Variants in LMBR1 observed in about 807,000 individuals in gnomAD.
LMBR1 encodes limb region 1 protein homolog.
Under a neutral mutation model 73.9 loss-of-function variants are expected in LMBR1, and 52 were observed. The observed-to-expected ratio is 0.70, with a 90% CI of 0.56 to 0.89. The LOEUF is 0.89. Among genes scored for constraint, LMBR1 ranks in the 40% least tolerant of loss-of-function variants. The pLI, the probability that LMBR1 is intolerant of heterozygous loss-of-function variation, is 0.00. For synonymous variants in LMBR1, 215 were observed against 209.4 expected (o/e 1.03, Z -0.23); for missense variants, 539 against 579.8 (o/e 0.93, Z 0.72).
intron 5 of LMBR1, among the ~76,000 whole-genome samples, chr7:156,775,590 T>C (rs970611633): frequency 3.9e-5 from 6 of 152,184 alleles, no homozygotes; most frequent in Non-Finnish European, 7.3e-5. Flanking sequence ...GACCTATTTT[T>C]AAAAATACAT....
At chr7:156,797,430 T>C (rs1299693124) in intron 4 of LMBR1, among the ~76,000 whole-genome samples, 2 of 152,224 alleles carry the variant, frequency 1.3e-5, no homozygotes, top group Non-Finnish European at 2.9e-5. Flanking sequence ...ATAAATTCAA[T>C]GAACTGTTTG....
intron 1 of LMBR1, among the ~76,000 whole-genome samples, chr7:156,843,850 A>G (rs1054154129): frequency 1.3e-5 from 2 of 150,880 alleles, no homozygotes; most frequent in Non-Finnish European, 3.0e-5. Flanking sequence ...AAAAAAAAAA[A>G]AGAAAGAAAA....
intron 1 of LMBR1, among the ~76,000 whole-genome samples, chr7:156,883,950 C>T (rs1021583037): frequency 2.0e-5 from 3 of 152,216 alleles, no homozygotes; most frequent in Non-Finnish European, 2.9e-5. Context: ...CCAGGGATTA[C>T]CACATGGATT....
At chr7:156,689,187 T>A (rs569227996) in intron 15 of LMBR1, among the ~76,000 whole-genome samples, 1 of 152,070 alleles carries the variant, frequency 6.6e-6, no homozygotes, top group East Asian at 1.9e-4. Context: ...CACTGACAGA[T>A]AAATAAATCA....
chr7:156,790,170 T>C (rs1040885116), intron 5 of LMBR1, among the ~76,000 whole-genome samples: 1 of 152,130 alleles, frequency 6.6e-6, no homozygotes, highest in Non-Finnish European at 1.5e-5. Context: ...TCAATACCAA[T>C]GTAATTTTTC....
chr7:156,793,319 C>T (rs753437572), intron 5 of LMBR1, among the ~76,000 whole-genome samples: 11 of 152,112 alleles, frequency 7.2e-5, no homozygotes, highest in African/African-American at 1.2e-4. Context: ...TTAGACTTAA[C>T]GACACAATAT....
Position 156,734,254 on chromosome 7 carries a change from A to G in LMBR1, c.761T>C (p.Leu254Pro). ...EEALQRRLNGLSSSVEYNIME... is the reference protein window; with the variant it reads ...EEALQRRLNGPSSSVEYNIME... ...TATGTTGTATTCCACCGATGAAGAC[A>G]GCCCTGTTCAAAGCAAAAAATATTT... The change falls in exon 10 of 17, where the codon CTG becomes CCG. Residue 254 changes from leucine to proline, a missense_variant. Transcript: ENST00000353442. 1.3e-6 allele frequency: 2 copies of G among 1,597,084 alleles called. No homozygotes were observed. Among genetic ancestry groups the G allele is most frequent in the Non-Finnish European group, 1.7e-6 (2 of 1,174,298 alleles).
At chr7:156,676,994 TTA>T, downstream of LMBR1, 1 of 223,118 alleles carries the variant, frequency 4.5e-6, no homozygotes, top group Non-Finnish European at 9.0e-6. Flanking sequence ...AAAACACTCC[TTA>T]AGTTCCAAAT....
chr7:156,768,785 G>A (rs1444619397), intron 5 of LMBR1, among the ~76,000 whole-genome samples: 1 of 152,150 alleles, frequency 6.6e-6, no homozygotes, highest in African/African-American at 2.4e-5. Context: ...AATCTAAATT[G>A]TTCCACCCCA....
intron 5 of LMBR1, among the ~76,000 whole-genome samples, chr7:156,782,609 A>G (rs916398082): frequency 2.0e-5 from 3 of 152,086 alleles, no homozygotes; most frequent in African/African-American, 7.2e-5. Context: ...CAGTGGTACA[A>G]TCTCGGCTCC....
chr7:156,675,791 T>G, downstream of LMBR1: 1 of 1,614,082 alleles, frequency 6.2e-7, no homozygotes, highest in Non-Finnish European at 8.5e-7. Context: ...TAAATCGAAG[T>G]GTTCTTCAGC....
intron 4 of LMBR1, among the ~76,000 whole-genome samples, chr7:156,817,072 T>G (rs1333712853): frequency 6.6e-6 from 1 of 152,168 alleles, no homozygotes; most frequent in Non-Finnish European, 1.5e-5. Flanking sequence ...AAAAGGTATT[T>G]GAATTTAAAG....
chr7:156,819,675 G>T (rs886820978), intron 4 of LMBR1, among the ~76,000 whole-genome samples: 2 of 152,152 alleles, frequency 1.3e-5, no homozygotes, highest in East Asian at 3.9e-4. Context: ...CAGACCGTTC[G>T]TGAACTTCTG....
chr7:156,799,655 A>C (rs1425600054), intron 4 of LMBR1, among the ~76,000 whole-genome samples: 1 of 152,236 alleles, frequency 6.6e-6, no homozygotes, highest in Non-Finnish European at 1.5e-5. Context: ...CTAAGTGTTC[A>C]AATGAAAGGA....
At chr7:156,854,409 C>CATG in intron 1 of LMBR1, among the ~76,000 whole-genome samples, 1 of 152,220 alleles carries the variant, frequency 6.6e-6, no homozygotes, top group East Asian at 1.9e-4. Context: ...ACCAGATTCT[C>CATG]AGAGTAAAGA....
downstream of LMBR1, among the ~76,000 whole-genome samples, chr7:156,672,817 G>C (rs1802851455): frequency 6.6e-6 from 1 of 152,238 alleles, no homozygotes; most frequent in Non-Finnish European, 1.5e-5. Flanking sequence ...GCTTGGAGTT[G>C]GGAGGTGACA....
chr7:156,762,840 A>AGT (rs772516533), intron 7 of LMBR1, among the ~76,000 whole-genome samples: 5 of 115,672 alleles, frequency 4.3e-5, no homozygotes, highest in Non-Finnish European at 9.2e-5. Context: ...AAAGTGTGTG[A>AGT]GTGTGAGTGT....
At chr7:156,742,192 G>C (rs1040424464) in intron 9 of LMBR1, among the ~76,000 whole-genome samples, 1 of 151,808 alleles carries the variant, frequency 6.6e-6, no homozygotes, top group African/African-American at 2.4e-5. Flanking sequence ...TATAAAAAAA[G>C]AGAAAAAACT....
intron 8 of LMBR1, among the ~76,000 whole-genome samples, chr7:156,757,597 G>C (rs1030438340): frequency 6.6e-6 from 1 of 152,164 alleles, no homozygotes; most frequent in Non-Finnish European, 1.5e-5. Flanking sequence ...AAATCTCAAA[G>C]AAGTCTAGAG....
Sources: gnomAD v4.1 joint callset for allele counts (sites outside exome capture counted in the v4.1 genomes callset) on GRCh38, gnomAD v4.1.1 for gene constraint, MANE v1.5 for transcripts, NCBI Gene and HGNC (gene_info 2026-07-23, HGNC 2026-07-21) for gene names.